Variants in RORA observed in about 807,000 individuals in gnomAD.
The protein encoded by RORA is RAR related orphan receptor A, also known as nuclear receptor ROR-alpha.
Under a neutral mutation model 69.5 loss-of-function variants are expected in RORA, and 7 were observed. That is an observed-to-expected ratio of 0.10 (90% CI 0.06 to 0.19). The LOEUF (loss-of-function observed/expected upper bound fraction) is 0.19, where lower values mean the gene tolerates loss of function less well. RORA is among the 10% of genes least tolerant of loss of function. The pLI, the probability that RORA is intolerant of heterozygous loss-of-function variation, is 1.00. For missense variants in RORA, 457 were observed against 663.0 expected (o/e 0.69, Z 3.41); for synonymous variants, 261 against 240.8 (o/e 1.08, Z -0.78).
intron 1 of RORA, among the ~76,000 whole-genome samples, chr15:60,870,973 G>A (rs917938981): frequency 1.3e-5 from 2 of 152,206 alleles, no homozygotes; most frequent in Non-Finnish European, 2.9e-5. Flanking sequence ...CTGTTAGGAA[G>A]ACACATCTGG....
chr15:60,497,623 T>TAA lies in RORA; in HGVS notation c.1408-6_1408-5dup. 6.2e-7 allele frequency: 1 copy of TAA among 1,608,404 alleles called. No homozygotes were observed. Among genetic ancestry groups the TAA allele is most frequent in the Non-Finnish European group, 8.5e-7 (1 of 1,174,934 alleles). ...AGGTAGACACCTTGCATATTAACTG[T>TAA]AAGTGAAAGAAAGGACACACCGTCA... On this transcript the variant is annotated splice_region_variant and splice_polypyrimidine_tract_variant and intron_variant, in intron 10 of 10. Transcript: ENST00000335670.
chr15:60,510,532 T>C (rs966205519), intron 5 of RORA: 3 of 152,250 alleles, frequency 2.0e-5, no homozygotes, highest in Admixed American at 2.0e-4. Context: ...CAGAACATTT[T>C]GGTAAGTAAA....
intron 1 of RORA, among the ~76,000 whole-genome samples, chr15:60,781,577 C>T (rs905321749): frequency 2.0e-5 from 3 of 151,750 alleles, no homozygotes; most frequent in Admixed American, 2.0e-4. Flanking sequence ...AGTGCAGGGA[C>T]GGAGAACGCA....
chr15:60,812,877 G>C (rs1427895267), intron 1 of RORA, among the ~76,000 whole-genome samples: 1 of 152,064 alleles, frequency 6.6e-6, no homozygotes, highest in Non-Finnish European at 1.5e-5. Flanking sequence ...ATCCAGAAGG[G>C]GCATGTCCTA....
At chr15:61,012,130 C>G (rs1407659239) in intron 1 of RORA, among the ~76,000 whole-genome samples, 2 of 152,226 alleles carry the variant, frequency 1.3e-5, no homozygotes, top group South Asian at 2.1e-4. Context: ...TACTGTGAGG[C>G]TCTGTGCCTC....
intron 2 of RORA, among the ~76,000 whole-genome samples, chr15:60,636,892 T>A (rs2069851266): frequency 6.6e-6 from 1 of 152,114 alleles, no homozygotes; most frequent in African/African-American, 2.4e-5. Context: ...TATTTTCTCA[T>A]GTGTTTATTA....
intron 1 of RORA, among the ~76,000 whole-genome samples, chr15:60,991,617 C>T (rs893273712): frequency 1.6e-4 from 25 of 151,914 alleles, no homozygotes; most frequent in African/African-American, 3.4e-4. Context: ...AAAGTTAAGA[C>T]GGGGTGTTGG....
intron 3 of RORA, among the ~76,000 whole-genome samples, chr15:60,517,274 G>A (rs550958762): frequency 6.6e-6 from 1 of 151,968 alleles, no homozygotes; most frequent in Admixed American, 6.6e-5. Flanking sequence ...CCTGGGATGG[G>A]ACAGGGCAGG....
chr15:60,968,064 G>A (rs1893605828), intron 1 of RORA, among the ~76,000 whole-genome samples: 1 of 152,164 alleles, frequency 6.6e-6, no homozygotes, highest in African/African-American at 2.4e-5. Context: ...CATTCGATAA[G>A]CATCAACTTA....
intron 1 of RORA, among the ~76,000 whole-genome samples, chr15:61,031,793 G>C (rs1896184892): frequency 6.6e-6 from 1 of 152,130 alleles, no homozygotes; most frequent in Non-Finnish European, 1.5e-5. Context: ...CACGACGATG[G>C]GCAAATGGAG....
intron 2 of RORA, among the ~76,000 whole-genome samples, chr15:60,594,091 A>T (rs1567113167): frequency 6.6e-6 from 1 of 152,132 alleles, no homozygotes; most frequent in African/African-American, 2.4e-5. Flanking sequence ...TTTCTTAAAG[A>T]TTTTTCCCCC....
At chr15:60,552,065 G>A (rs1234616992) in intron 2 of RORA, among the ~76,000 whole-genome samples, 2 of 152,208 alleles carry the variant, frequency 1.3e-5, no homozygotes, top group East Asian at 1.9e-4. Context: ...CACAGTGGTG[G>A]TGTTAGGGAG....
chr15:60,743,841 CTT>C (rs2071611316), intron 1 of RORA, among the ~76,000 whole-genome samples: 1 of 152,206 alleles, frequency 6.6e-6, no homozygotes. Context: ...CTCTTTCCCT[CTT>C]GTCTTCTAGG....
chr15:60,607,290 G>A (rs2068969248), intron 2 of RORA, among the ~76,000 whole-genome samples: 1 of 152,056 alleles, frequency 6.6e-6, no homozygotes, highest in African/African-American at 2.4e-5. Context: ...AATCACTAAG[G>A]ACGTATTAAC....
chr15:61,046,568 T>C (rs117054363), intron 1 of RORA, among the ~76,000 whole-genome samples: 145 of 152,268 alleles, frequency 9.5e-4, no homozygotes, highest in Middle Eastern at 3.4e-3. Context: ...TGCAGAGATG[T>C]TCATGCAAAT....
intron 1 of RORA, among the ~76,000 whole-genome samples, chr15:61,023,186 TCAA>T (rs1566947412): frequency 1.3e-4 from 2 of 15,496 alleles, no homozygotes; most frequent in African/African-American, 1.9e-4. Flanking sequence ...AGACTCTGCC[TCAA>T]AAAAAAAAAA....
rs550884918 is a variant in RORA, at chr15:61,074,026, GGGCTTCA to G, written c.166+155020_166+155026del. On this transcript the variant is annotated intron_variant, in intron 1 of 10. Coordinates refer to ENST00000335670, the MANE Select transcript of RORA (RefSeq NM_134261.3). ...TGTGGGGTGGCTCAGAACCACTGGT[GGGCTTCA>G]GTGGTTTTCTACTCAAGAACAATGT... Among the ~76,000 whole-genome samples the G allele has an allele frequency of 1.1e-4, 16 of 152,278 alleles. 1 individual carries two copies. The South Asian group carries it at 3.3e-3, about 32-fold the overall frequency.
intron 2 of RORA, among the ~76,000 whole-genome samples, chr15:60,533,530 C>A (rs1227916495): frequency 6.6e-6 from 1 of 152,166 alleles, no homozygotes; most frequent in Non-Finnish European, 1.5e-5. Flanking sequence ...CTGCACAGTC[C>A]TTCCATTATG....
intron 1 of RORA, among the ~76,000 whole-genome samples, chr15:61,062,652 T>C (rs552992325): frequency 1.3e-5 from 2 of 152,324 alleles, no homozygotes; most frequent in East Asian, 3.9e-4. Context: ...AGCATTTGCA[T>C]ATCATATGTA....
Sources: allele counts gnomAD v4.1 joint callset (sites outside exome capture counted in the v4.1 genomes callset), GRCh38; gene constraint gnomAD v4.1.1; transcripts MANE v1.5; gene names NCBI Gene and HGNC (gene_info 2026-07-23, HGNC 2026-07-21).